The following SRD5A3 variants were observed in gnomAD, a reference collection of about 807,000 sequenced individuals.
SRD5A3 encodes steroid 5 alpha-reductase 3, also known as polyprenal reductase.
Under a neutral mutation model 34.3 loss-of-function variants are expected in SRD5A3, and 24 were observed. The observed-to-expected ratio is 0.70, with a 90% CI of 0.51 to 0.99. The LOEUF (loss-of-function observed/expected upper bound fraction) is 0.99. Among genes scored for constraint, SRD5A3 ranks in the 50% least tolerant of loss-of-function variants. The probability of loss-of-function intolerance (pLI) is 0.00; values close to 1 mark genes in which losing one functional copy is unlikely to be tolerated. For missense variants in SRD5A3, 350 were observed against 388.2 expected, an observed-to-expected ratio of 0.90 and a Z score of 0.83; for synonymous variants, 161 against 167.3, an observed-to-expected ratio of 0.96 and a Z score of 0.29.
chr4:55,364,576 C>T (rs113829451), intron 3 of SRD5A3: 3,743 of 363,678 alleles, frequency 0.01, 135 homozygotes, highest in African/African-American at 0.074. Context: ...ATTAGCCAGG[C>T]GTGGTGGCAC....
intron 2 of SRD5A3, among the ~76,000 whole-genome samples, chr4:55,361,042 A>G (rs186914414): frequency 6.7e-4 from 102 of 152,270 alleles, no homozygotes; most frequent in Middle Eastern, 3.4e-3. Context: ...AATGTCCTCA[A>G]TTAAGGTCAG....
chr4:55,361,360 T>C (rs761560970), intron 2 of SRD5A3, among the ~76,000 whole-genome samples: 4 of 151,122 alleles, frequency 2.6e-5, no homozygotes, highest in Non-Finnish European at 5.9e-5. Context: ...CACATGCCTG[T>C]AACCCCAGCT....
intron 1 of SRD5A3, chr4:55,352,510 G>A (rs956436510): frequency 3.6e-6 from 2 of 558,822 alleles, no homozygotes; most frequent in Admixed American, 2.9e-5. Context: ...GAGAACCCCT[G>A]CTCTAGACTG....
intron 1 of SRD5A3, 168 bp from the exon 2 acceptor site, chr4:55,359,178 A>G: frequency 1.1e-6 from 1 of 909,212 alleles, no homozygotes; most frequent in Admixed American, 2.3e-5. Context: ...TTTGAAAGGA[A>G]ATTTTAAGAA....
At chr4:55,349,099 G>A (rs7673512) in intron 1 of SRD5A3, among the ~76,000 whole-genome samples, 134,648 of 152,220 alleles carry the variant, frequency 0.88, 60,094 homozygotes, top group East Asian at 1. Flanking sequence ...TAGTGGCTCA[G>A]TCTTAGCTCA....
chr4:55,363,735 C>T (rs1034546458), intron 2 of SRD5A3, among the ~76,000 whole-genome samples: 6 of 152,202 alleles, frequency 3.9e-5, no homozygotes, highest in African/African-American at 9.6e-5. Context: ...CTACCAGGAA[C>T]GCTTCCAGTT....
intron 1 of SRD5A3, among the ~76,000 whole-genome samples, chr4:55,357,402 C>G (rs1719509062): frequency 6.6e-6 from 1 of 152,242 alleles, no homozygotes; most frequent in Non-Finnish European, 1.5e-5. Flanking sequence ...TTCCTGGGAG[C>G]CTGCAGAACA....
intron 2 of SRD5A3, among the ~76,000 whole-genome samples, chr4:55,362,981 T>G (rs6554275): frequency 0.74 from 111,799 of 150,600 alleles, 41,678 homozygotes; most frequent in East Asian, 0.87. Flanking sequence ...AAGTAGCTGG[T>G]TCTACAGGCG....
In SRD5A3 at chr4:55,364,117, G is replaced by A. The variant is rs1375186347; in HGVS notation, c.408G>A (p.Leu136=). ...ALSAFLVLVF[L]WLHSLRRLFE... is the part of the protein sequence containing the mutation. ...CTGCATTCTTAGTGCTAGTATTTCT[G>A]TGGCTGCACAGCTTACGAAGACTCT... is the stretch of plus-strand genomic sequence containing the variant. Residue 136 remains leucine (L), a synonymous_variant, in exon 3 of 5, where the codon CTG becomes CTA. Coordinates refer to ENST00000264228, the MANE Select transcript of SRD5A3 (RefSeq NM_024592.5). 4 of 1,614,236 alleles carry A rather than the reference G, an allele frequency of 2.5e-6. No individual in the cohort carries two copies. The East Asian group carries it at 8.9e-5, about 36-fold the overall frequency.
intron 2 of SRD5A3, among the ~76,000 whole-genome samples, chr4:55,360,687 C>CG (rs1310819962): frequency 1.6e-5 from 2 of 123,148 alleles, no homozygotes; most frequent in Non-Finnish European, 3.5e-5. Context: ...GAATATGGAA[C>CG]GTTTTTTTTT....
intron 1 of SRD5A3, among the ~76,000 whole-genome samples, chr4:55,349,081 CTGGAACGTAG>C (rs1287277648): frequency 6.6e-6 from 1 of 152,142 alleles, no homozygotes; most frequent in Non-Finnish European, 1.5e-5. Flanking sequence ...GTCGCCCAGG[CTGGAACGTAG>C]TGGCTCAGTC....
chr4:55,364,272 G>A lies in SRD5A3; in HGVS notation c.562+1G>A, dbSNP rs765892067. On this transcript the variant is annotated splice_donor_variant, in intron 3 of 4. Coordinates refer to ENST00000264228, the MANE Select transcript of SRD5A3 (RefSeq NM_024592.5). LOFTEE classifies it high-confidence loss of function. ...CAAGTGCCAATGGATGGCAGGAATG[G>A]TGAGTGGATCCAGCCCTGCCAGGAG... 3 of 1,614,032 alleles carry A rather than the reference G, an allele frequency of 1.9e-6. No homozygotes were observed. Among genetic ancestry groups the A allele is most frequent in the Non-Finnish European group, 2.5e-6 (3 of 1,180,038 alleles).
intron 1 of SRD5A3, among the ~76,000 whole-genome samples, chr4:55,351,652 C>T (rs560189125): frequency 1.3e-5 from 2 of 150,530 alleles, no homozygotes; most frequent in East Asian, 3.9e-4. Flanking sequence ...AGCGAAACTT[C>T]ATCTCAAAAA....
rs1022036228 is a variant in SRD5A3 at position 55,346,493 on chromosome 4, G to A, written c.157G>A (p.Gly53Arg). 1.2e-6 allele frequency: 2 copies of A among 1,603,934 alleles called. No homozygotes were observed. Among genetic ancestry groups the A allele is most frequent in the South Asian group, 1.1e-5 (1 of 90,024 alleles). ...CAIFQDLIRY[G>R]KTKCGEPSRP... ...GATCTTCCAGGACCTGATCCGCTATGGGAAAACCAAGTGTGGGGAGCCGTC... is the reference window on the plus strand; with the variant it reads ...GATCTTCCAGGACCTGATCCGCTATAGGAAAACCAAGTGTGGGGAGCCGTC... The change falls in exon 1 of 5, where the codon GGG becomes AGG. Residue 53 changes from glycine to arginine, a missense_variant. Around this residue, in one of 3 missense-constraint regions of SRD5A3, gnomAD observed 159 missense variants for 149.1 expected, o/e 1.07. Coordinates refer to ENST00000264228, the MANE Select transcript of SRD5A3 (RefSeq NM_024592.5).
At position 55,370,450 on chromosome 4, in the gene SRD5A3, C is replaced by CACAG. The variant is rs1560375249; in HGVS notation, c.*362_*363insGACA. The stretch of plus-strand genomic sequence containing the variant: ...ACAGCTTCACACACACACACACACA[C>CACAG]ACACACACACACACACACACACAAA... On this transcript the variant is annotated 3_prime_UTR_variant, in exon 5 of 5. Coordinates refer to ENST00000264228, the MANE Select transcript of SRD5A3 (RefSeq NM_024592.5). The CACAG allele has an allele frequency of 6.4e-6, 2 of 311,454 alleles. No homozygotes were observed. The allele number at this position is 311,454 out of a possible 1,614,324, so 19.3% of individuals were successfully genotyped here.
rs1012665327 is a variant in SRD5A3 at position 55,348,500 on chromosome 4, T to G, written c.221+1943T>G. Among the ~76,000 whole-genome samples the G allele has an allele frequency of 2.6e-5, 4 of 152,212 alleles. No homozygotes were observed. In the East Asian group the frequency reaches 5.8e-4, roughly 22 times the overall value. On this transcript the variant is annotated intron_variant, in intron 1 of 4. Coordinates refer to ENST00000264228, the MANE Select transcript of SRD5A3 (RefSeq NM_024592.5). ...GCCTCTTTTTTATACGTCTCTGTAT[T>G]TTCCAAAATGTCTTCATTCACAAGA...
Position 55,364,190 on chromosome 4 carries a change from G to A in SRD5A3, c.481G>A (p.Val161Met), listed in dbSNP as rs1003153082. ...CTTCTCCAATGTCATGATTCACGTC[G>A]TGCAGTACTGTTTTGGACTTGTCTA... ...SVFSNVMIHV[V>M]QYCFGLVYYV... The change falls in exon 3 of 5, where the codon GTG becomes ATG. Residue 161 changes from valine (V) to methionine (M), a missense_variant. Val to Met is a conservative substitution (Grantham distance 21). This residue lies in a region of SRD5A3 where 186 missense variants were observed against 221.4 expected (regional missense o/e 0.84). Coordinates refer to ENST00000264228, the MANE Select transcript of SRD5A3 (RefSeq NM_024592.5). 20 of 1,613,978 alleles carry A rather than the reference G, an allele frequency of 1.2e-5. No homozygotes were observed. Among genetic ancestry groups the A allele is most frequent in the Admixed American group, 5.0e-5 (3 of 59,976 alleles).
intron 1 of SRD5A3, among the ~76,000 whole-genome samples, chr4:55,354,213 T>G (rs1486733475): frequency 6.6e-6 from 1 of 152,132 alleles, no homozygotes; most frequent in Non-Finnish European, 1.5e-5. Flanking sequence ...TTCTCGTGTC[T>G]CAGCCTCCCA....
In SRD5A3 at chr4:55,364,078, G is replaced by A; in HGVS notation, c.369G>A (p.Gly123=). Residue 123 remains glycine, a synonymous_variant, in exon 3 of 5, where the codon GGG becomes GGA. Coordinates refer to ENST00000264228, the MANE Select transcript of SRD5A3 (RefSeq NM_024592.5). ...RILGAAQFQG[G]ELALSAFLVL... ...CTGTTGCCTTCTGAATTGTAGGAGG[G>A]GAGCTGGCACTGTCTGCATTCTTAG... 1 of 1,614,214 alleles carries A rather than the reference G, an allele frequency of 6.2e-7. No individual in the cohort carries two copies. The highest frequency in any genetic ancestry group is 8.5e-7 in the Non-Finnish European group (1 of 1,180,028).
Sources: gnomAD v4.1 joint callset for allele counts (sites outside exome capture counted in the v4.1 genomes callset) on GRCh38, gnomAD v4.1.1 for gene constraint, gnomAD v4.1.1 regional missense constraint, MANE v1.5 for transcripts, NCBI Gene and HGNC (gene_info 2026-07-23, HGNC 2026-07-21) for gene names.